The following SLC37A2 variants were observed in gnomAD, a reference collection of about 807,000 sequenced individuals.
The protein encoded by SLC37A2 is glucose-6-phosphate exchanger SLC37A2.
SLC37A2 carries 59 observed loss-of-function variants against 70.7 expected under a neutral mutation model. The observed-to-expected ratio is 0.83, with a 90% CI of 0.68 to 1.04. The LOEUF (loss-of-function observed/expected upper bound fraction) is 1.04. SLC37A2 is among the 50% of genes least tolerant of loss of function. The probability of loss-of-function intolerance (pLI) is 0.00; values close to 1 mark genes in which losing one functional copy is unlikely to be tolerated. For missense variants in SLC37A2, 580 were observed against 658.1 expected (o/e 0.88, Z 1.30); for synonymous variants, 257 against 262.1 (o/e 0.98, Z 0.19).
Position 125,088,157 on chromosome 11 carries a change from T to C in SLC37A2, c.*23T>C. The C allele has an allele frequency of 6.4e-7, 1 of 1,551,648 alleles. No individual in the cohort carries two copies. The highest frequency in any genetic ancestry group is 8.7e-7 in the Non-Finnish European group (1 of 1,146,964). ...TGAGGCCCCAATTGGAACAGCAGCA[T>C]GGAGGGTCCCAGTTGGGTCCCCAAC... On this transcript the variant is annotated 3_prime_UTR_variant, in exon 18 of 18. Transcript: ENST00000403796.
Position 125,090,507 on chromosome 11 carries a change from C to CT in SLC37A2, c.*2374dup, listed in dbSNP as rs1949275608. ...GCTTTGTTCTTTGCAATAAATCTTG[C>CT]TACTGCTCACTCTTTGAGTCCACGC... On this transcript the variant is annotated 3_prime_UTR_variant, in exon 18 of 18. Transcript: ENST00000403796. Among the ~76,000 whole-genome samples the CT allele has an allele frequency of 6.6e-6, 1 of 152,204 alleles. No individual in the cohort carries two copies. The highest frequency in any genetic ancestry group is 2.4e-5 in the African/African-American group (1 of 41,442).
In SLC37A2 at chr11:125,089,279, C is replaced by T. The variant is rs6590129; in HGVS notation, c.*1145C>T. On this transcript the variant is annotated 3_prime_UTR_variant, in exon 18 of 18. Coordinates refer to ENST00000403796, the MANE Select transcript of SLC37A2 (RefSeq NM_001145290.2). ...TGTCGGGGCTTGGCTTGGCAGCGAG[C>T]GAGGCTGGCATGGGGTGCTGAAGTG... 0.77 allele frequency: 116,979 copies of T among 152,818 alleles called. 45,125 individuals carry two copies. The highest frequency in any genetic ancestry group is 0.87 in the African/African-American group (36,243 of 41,556). 9.5% of individuals were successfully genotyped at this position (152,818 alleles called of 1,614,324 possible).
At position 125,085,996 on chromosome 11, in the gene SLC37A2, G is replaced by T. The variant is rs146488647; in HGVS notation, c.1468G>T (p.Val490Leu). 43 of 1,614,074 alleles carry T rather than the reference G, an allele frequency of 2.7e-5. No individual in the cohort carries two copies. Among genetic ancestry groups the T allele is most frequent in the Non-Finnish European group, 3.5e-5 (41 of 1,180,042 alleles). The change falls in exon 17 of 18, where the codon GTG becomes TTG. Residue 490 changes from valine (V) to leucine (L), a missense_variant. By Grantham distance (32) the Val-to-Leu change is conservative (BLOSUM62 1). Coordinates refer to ENST00000403796, the MANE Select transcript of SLC37A2 (RefSeq NM_001145290.2). ...ATACAAAGAGATCTTGGCCTGGAAGGTGTCCCTGAGCAGAGGCAGCGGGTG... is the reference window on the plus strand; with the variant it reads ...ATACAAAGAGATCTTGGCCTGGAAGTTGTCCCTGAGCAGAGGCAGCGGGTG... ...LVYKEILAWK[V>L]SLSRGSGYKE...
intron 1 of SLC37A2, among the ~76,000 whole-genome samples, chr11:125,068,605 A>G (rs1250749633): frequency 6.6e-6 from 1 of 152,192 alleles, no homozygotes; most frequent in Non-Finnish European, 1.5e-5. Context: ...CAGCGAGGGG[A>G]ATGCAGAAGT....
intron 1 of SLC37A2, among the ~76,000 whole-genome samples, chr11:125,072,196 A>T (rs901801498): frequency 6.6e-6 from 1 of 151,964 alleles, no homozygotes; most frequent in Non-Finnish European, 1.5e-5. Context: ...CTGCTTTGGG[A>T]CATGCCATTT....
chr11:125,083,692 C>T lies in SLC37A2; in HGVS notation c.977-123C>T. The T allele has an allele frequency of 1.3e-5, 11 of 863,092 alleles. No individual in the cohort carries two copies. In the South Asian group the frequency reaches 1.7e-4, roughly 14 times the overall value. The allele number at this position is 863,092 out of a possible 1,614,324, so 53.5% of individuals were successfully genotyped here. ...CCCTGGCCAGCCTGCTCCACAGGTC[C>T]CCAGCTCTTCCTCGGAAAAGGGGGC... On this transcript the variant is annotated intron_variant, in intron 10 of 17. Transcript: ENST00000403796. The surrounding 1 kb of genome is among the most constrained non-coding windows in gnomAD (Gnocchi z 4.6).
intron 1 of SLC37A2, among the ~76,000 whole-genome samples, chr11:125,068,759 A>G (rs1200073378): frequency 1.3e-5 from 2 of 152,246 alleles, no homozygotes; most frequent in African/African-American, 4.8e-5. Flanking sequence ...TGGTGATGTT[A>G]TTATTACAGA....
intron 8 of SLC37A2, 88 bp from the exon 9 acceptor site, chr11:125,081,666 G>A: frequency 1.3e-6 from 2 of 1,485,506 alleles, no homozygotes; most frequent in Non-Finnish European, 1.8e-6. Flanking sequence ...CATCCTGGGA[G>A]CCAGTGTCTC....
chr11:125,074,946 G>A (rs921004745), intron 1 of SLC37A2, among the ~76,000 whole-genome samples: 8 of 152,304 alleles, frequency 5.3e-5, no homozygotes, highest in Admixed American at 1.3e-4. Flanking sequence ...TGCTGCCTGG[G>A]GGGCCTTACC....
At chr11:125,081,016 C>T (rs1344217335) in intron 7 of SLC37A2, among the ~76,000 whole-genome samples, 1 of 152,148 alleles carries the variant, frequency 6.6e-6, no homozygotes, top group Non-Finnish European at 1.5e-5. Flanking sequence ...AAATGCCAGG[C>T]CCACAGGAGG....
intron 1 of SLC37A2, among the ~76,000 whole-genome samples, chr11:125,070,041 G>GAT (rs1373777316): frequency 6.6e-6 from 1 of 152,224 alleles, no homozygotes; most frequent in East Asian, 1.9e-4. Flanking sequence ...CATTTCCTGG[G>GAT]GCCCTCTGAG....
At chr11:125,079,863 A>G (rs909182582) in intron 6 of SLC37A2, 103 bp downstream of exon 6, 4 of 887,828 alleles carry the variant, frequency 4.5e-6, no homozygotes, top group African/African-American at 3.3e-5. Flanking sequence ...AGGGTCAGAA[A>G]GCGGCCTCCA....
intron 14 of SLC37A2, 79 bp from the exon 15 acceptor site, chr11:125,085,316 T>C (rs557439630): frequency 6.9e-7 from 1 of 1,442,644 alleles, no homozygotes; most frequent in Non-Finnish European, 9.6e-7. Flanking sequence ...CCACCTTCCC[T>C]GAGTCAGCCC....
intron 12 of SLC37A2, 63 bp from the exon 13 acceptor site, chr11:125,084,754 TTGCAGACC>T: frequency 6.6e-7 from 1 of 1,518,468 alleles, no homozygotes; most frequent in Non-Finnish European, 9.1e-7. Flanking sequence ...GAGATGGTTG[TTGCAGACC>T]TCAGGGCTCC....
At chr11:125,086,082 G>A (rs759876413) in intron 17 of SLC37A2, 64 bp downstream of exon 17, 15 of 1,560,598 alleles carry the variant, frequency 9.6e-6, no homozygotes, top group Admixed American at 5.0e-5. Context: ...TCAGCCCAGC[G>A]CTCAGTTTCT....
chr11:125,083,982 C>A lies in SLC37A2; in HGVS notation c.1039+105C>A. ...TGGGCTATGACCTGGGTAGGTGGCA[C>A]CAGAGGAAAAATGGCTCCTGGGTTT... is the stretch of plus-strand genomic sequence containing the variant. On this transcript the variant is annotated intron_variant, in intron 11 of 17. Coordinates refer to ENST00000403796, the MANE Select transcript of SLC37A2 (RefSeq NM_001145290.2). This position sits in a 1 kb window ranked among gnomAD's most constrained non-coding sequence, Gnocchi z 4.6. 8.4e-7 allele frequency: 1 copy of A among 1,195,064 alleles called. No individual in the cohort carries two copies. Among genetic ancestry groups the A allele is most frequent in the Non-Finnish European group, 1.2e-6 (1 of 818,834 alleles). The allele number at this position is 1,195,064 out of a possible 1,614,324, so 74.0% of individuals were successfully genotyped here. A position where few individuals can be genotyped will look rare whatever the true frequency, so the allele number is the denominator to read the frequency against.
In SLC37A2 at chr11:125,084,232, A is replaced by G. The variant is rs1949179074; in HGVS notation, c.1040-2A>G. On this transcript the variant is annotated splice_acceptor_variant, in intron 11 of 17. Transcript: ENST00000403796. LOFTEE classifies it high-confidence loss of function. Reference sequence around the variant, plus strand: ...CAGTGCGTGAGTGGCTGTGTGTTCCAGGCGGCATCGTGGCAGGGCTCGTCT... The same window carrying G: ...CAGTGCGTGAGTGGCTGTGTGTTCCGGGCGGCATCGTGGCAGGGCTCGTCT... The G allele has an allele frequency of 6.2e-7, 1 of 1,614,070 alleles. No individual in the cohort carries two copies. Among genetic ancestry groups the G allele is most frequent in the African/African-American group, 1.3e-5 (1 of 74,922 alleles).
chr11:125,085,426 A>G lies in SLC37A2; in HGVS notation c.1280A>G (p.Lys427Arg). 1 of 1,613,992 alleles carries G rather than the reference A, an allele frequency of 6.2e-7. No homozygotes were observed. The highest frequency in any genetic ancestry group is 8.5e-7 in the Non-Finnish European group (1 of 1,179,990). Residue 427 changes from lysine to arginine, a missense_variant, in exon 15 of 18, where the codon AAA (lysine) becomes AGA (arginine). Coordinates refer to ENST00000403796, the MANE Select transcript of SLC37A2 (RefSeq NM_001145290.2). ...GTHKSLKGNA[K>R]ALSTVTAIID... ...CACAAGAGCCTGAAGGGCAACGCCA[A>G]AGCCCTGTCCACGGTCACGGCCATC...
In SLC37A2 at chr11:125,081,798, C is replaced by G. The variant is rs1333350380; in HGVS notation, c.777C>G (p.Asn259Lys). Residue 259 changes from asparagine (N) to lysine (K), a missense_variant, in exon 9 of 18, where the codon AAC becomes AAG. Transcript: ENST00000403796. ...ENQDNPEDPG[N>K]SPCSIRESGL... ...AGGACAACCCTGAGGACCCTGGGAA[C>G]AGTCCCTGCTCTATCAGGGAGAGCG... 1 of 1,613,124 alleles carries G rather than the reference C, an allele frequency of 6.2e-7. No individual in the cohort carries two copies. The highest frequency in any genetic ancestry group is 8.5e-7 in the Non-Finnish European group (1 of 1,179,528).
Sources: gnomAD v4.1 joint callset for allele counts (sites outside exome capture counted in the v4.1 genomes callset) on GRCh38, gnomAD v4.1.1 for gene constraint, Gnocchi (gnomAD v3.1) non-coding constraint, MANE v1.5 for transcripts, NCBI Gene and HGNC (gene_info 2026-07-23, HGNC 2026-07-21) for gene names.